LDLRAD3: variants seen among roughly 807,000 people sequenced by gnomAD.
LDLRAD3 encodes low density lipoprotein receptor class A domain containing 3.
In LDLRAD3, 20 loss-of-function variants were observed where a neutral mutation model predicts 29.4. That is an observed-to-expected ratio of 0.68 (90% CI 0.48 to 0.99). The LOEUF is 0.99. LDLRAD3 is among the 50% of genes least tolerant of loss of function. The pLI is 0.00. For synonymous variants in LDLRAD3, 157 were observed against 192.7 expected, an observed-to-expected ratio of 0.81 and a Z score of 1.53; for missense variants, 420 against 454.3, an observed-to-expected ratio of 0.92 and a Z score of 0.69.
At chr11:36,072,300 G>A (rs1045295312) in intron 2 of LDLRAD3, among the ~76,000 whole-genome samples, 2 of 152,216 alleles carry the variant, frequency 1.3e-5, no homozygotes, top group African/African-American at 4.8e-5. Context: ...GGAACAGAGA[G>A]GCTTCCACAT....
At chr11:36,218,806 T>C (rs1453120422) in intron 4 of LDLRAD3, among the ~76,000 whole-genome samples, 1 of 152,162 alleles carries the variant, frequency 6.6e-6, no homozygotes, top group Non-Finnish European at 1.5e-5. Flanking sequence ...TTGTTTGTAA[T>C]AGCAAAAATG....
At chr11:36,205,889 T>C (rs1377814935) in intron 4 of LDLRAD3, among the ~76,000 whole-genome samples, 15 of 152,160 alleles carry the variant, frequency 9.9e-5, no homozygotes, top group Admixed American at 3.9e-4. Context: ...ATGAATCTTG[T>C]TTATGCTCCT....
intron 4 of LDLRAD3, among the ~76,000 whole-genome samples, chr11:36,178,142 C>T (rs1854706071): frequency 6.6e-6 from 1 of 152,188 alleles, no homozygotes; most frequent in Non-Finnish European, 1.5e-5. Context: ...CCTGCCTCCT[C>T]ACCACCATTT....
At chr11:36,092,871 T>C (rs1853303902) in intron 3 of LDLRAD3, among the ~76,000 whole-genome samples, 2 of 152,192 alleles carry the variant, frequency 1.3e-5, no homozygotes, top group Non-Finnish European at 2.9e-5. Context: ...ATTTTGATGG[T>C]TGGGAGGCAT....
intron 4 of LDLRAD3, among the ~76,000 whole-genome samples, chr11:36,105,259 GAGAA>G (rs1452012206): frequency 1.3e-5 from 2 of 151,432 alleles, no homozygotes; most frequent in Non-Finnish European, 2.9e-5. Context: ...GAGAGAGAGA[GAGAA>G]AGACAAGGCG....
intron 4 of LDLRAD3, among the ~76,000 whole-genome samples, chr11:36,194,076 G>A (rs960773500): frequency 6.6e-6 from 1 of 152,146 alleles, no homozygotes; most frequent in African/African-American, 2.4e-5. Context: ...ACATATTACA[G>A]TTCCCTTCCC....
At chr11:36,144,513 G>A in intron 4 of LDLRAD3, among the ~76,000 whole-genome samples, 1 of 151,256 alleles carries the variant, frequency 6.6e-6, no homozygotes, top group African/African-American at 2.4e-5. Flanking sequence ...CCCATCGTCT[G>A]AGATGTGGGG....
intron 4 of LDLRAD3, among the ~76,000 whole-genome samples, chr11:36,215,909 A>G (rs1403716408): frequency 3.3e-5 from 5 of 152,296 alleles, no homozygotes; most frequent in Non-Finnish European, 1.5e-5. Context: ...GGCCGTGACA[A>G]ACTCGCAGAT....
chr11:35,976,013 G>A (rs2133151896), intron 1 of LDLRAD3, among the ~76,000 whole-genome samples: 1 of 152,116 alleles, frequency 6.6e-6, no homozygotes, highest in African/African-American at 2.4e-5. Flanking sequence ...TGAAGAGAGG[G>A]ACCCTTTTTG....
At chr11:36,152,834 G>A (rs1466484605) in intron 4 of LDLRAD3, among the ~76,000 whole-genome samples, 1 of 152,140 alleles carries the variant, frequency 6.6e-6, no homozygotes, top group East Asian at 1.9e-4. Flanking sequence ...AATACATTGT[G>A]CCTGTGAGTA....
At chr11:36,047,810 TGAAA>T (rs1852472659) in intron 2 of LDLRAD3, among the ~76,000 whole-genome samples, 1 of 152,150 alleles carries the variant, frequency 6.6e-6, no homozygotes, top group African/African-American at 2.4e-5. Flanking sequence ...GCTGAAACCT[TGAAA>T]CCCCTTCAAA....
At chr11:36,142,603 T>C (rs992903768) in intron 4 of LDLRAD3, among the ~76,000 whole-genome samples, 22 of 152,172 alleles carry the variant, frequency 1.4e-4, no homozygotes, top group Middle Eastern at 3.4e-3. Context: ...CCTCCTGCAC[T>C]TAGTCTTAAG....
chr11:36,013,468 C>G (rs1851980656), intron 1 of LDLRAD3, among the ~76,000 whole-genome samples: 1 of 150,100 alleles, frequency 6.7e-6, no homozygotes, highest in African/African-American at 2.5e-5. Context: ...GCCCCCCACC[C>G]CCCTACAGGC....
chr11:35,998,053 G>A (rs745932143), intron 1 of LDLRAD3, among the ~76,000 whole-genome samples: 9 of 152,166 alleles, frequency 5.9e-5, no homozygotes, highest in Admixed American at 4.6e-4. Flanking sequence ...GGGTCAGGGC[G>A]TTCACTGGAG....
intron 4 of LDLRAD3, among the ~76,000 whole-genome samples, chr11:36,108,545 T>C (rs1466762601): frequency 2.6e-5 from 4 of 151,948 alleles, no homozygotes; most frequent in Non-Finnish European, 4.4e-5. Context: ...TGGAAGTGAA[T>C]GGCAGGGCAG....
chr11:36,042,557 T>C (rs79250487), intron 2 of LDLRAD3, among the ~76,000 whole-genome samples: 1 of 152,324 alleles, frequency 6.6e-6, no homozygotes, highest in Non-Finnish European at 1.5e-5. Flanking sequence ...GGCACAACAC[T>C]ATCATTTTGG....
At chr11:35,973,169 T>C (rs1851436487) in intron 1 of LDLRAD3, among the ~76,000 whole-genome samples, 1 of 151,810 alleles carries the variant, frequency 6.6e-6, no homozygotes, top group Admixed American at 6.6e-5. Flanking sequence ...TTGTTTTGTT[T>C]TGTTTTTTTT....
chr11:36,173,799 A>G (rs915312297), intron 4 of LDLRAD3, among the ~76,000 whole-genome samples: 3 of 152,192 alleles, frequency 2.0e-5, no homozygotes, highest in Non-Finnish European at 4.4e-5. Context: ...AAGGTAATTT[A>G]TAGATTTAAT....
chr11:35,979,292 G>T (rs994178647), intron 1 of LDLRAD3, among the ~76,000 whole-genome samples: 1 of 152,150 alleles, frequency 6.6e-6, no homozygotes, highest in Admixed American at 6.5e-5. Context: ...TGACTAGGTG[G>T]AAGAGCTTTC....
Sources: gnomAD v4.1 joint callset for allele counts (sites outside exome capture counted in the v4.1 genomes callset) on GRCh38, gnomAD v4.1.1 for gene constraint, MANE v1.5 for transcripts, NCBI Gene and HGNC (gene_info 2026-07-23, HGNC 2026-07-21) for gene names.